Variants in SLC24A3 observed in about 807,000 individuals in gnomAD.
The protein encoded by SLC24A3 is solute carrier family 24 member 3.
In SLC24A3, 28 loss-of-function variants were observed where a neutral mutation model predicts 75.8. That is an observed-to-expected ratio of 0.37 (90% CI 0.27 to 0.51). The LOEUF (loss-of-function observed/expected upper bound fraction) is 0.51, where lower values mean the gene tolerates loss of function less well. Ranked by LOEUF, SLC24A3 falls within the 20% of genes least tolerant of loss-of-function variation. The pLI, the probability that SLC24A3 is intolerant of heterozygous loss-of-function variation, is 0.94. For synonymous variants in SLC24A3, 372 were observed against 334.1 expected (o/e 1.11, Z -1.24); for missense variants, 663 against 847.8 (o/e 0.78, Z 2.71).
chr20:19,295,418 C>T (rs1037198135), intron 2 of SLC24A3, among the ~76,000 whole-genome samples: 1 of 152,186 alleles, frequency 6.6e-6, no homozygotes, highest in Non-Finnish European at 1.5e-5. Flanking sequence ...GATGGGGCAT[C>T]CTTGCCTTGG....
chr20:19,720,878 G>T, intron 16 of SLC24A3, 113 bp from the exon 17 acceptor site: 1 of 1,216,270 alleles, frequency 8.2e-7, no homozygotes, highest in Non-Finnish European at 1.1e-6. Context: ...TCAGCACCCT[G>T]CCCGAGGCCC....
At chr20:19,446,607 T>C (rs1166874418) in intron 2 of SLC24A3, among the ~76,000 whole-genome samples, 3 of 152,210 alleles carry the variant, frequency 2.0e-5, no homozygotes, top group Non-Finnish European at 4.4e-5. Context: ...AAAGGGAAAG[T>C]GCTCTTTATG....
At chr20:19,229,968 C>T (rs1312276673) in intron 1 of SLC24A3, among the ~76,000 whole-genome samples, 1 of 151,774 alleles carries the variant, frequency 6.6e-6, no homozygotes, top group Non-Finnish European at 1.5e-5. Context: ...TAGCCTTTTC[C>T]ATTTAGTGAT....
intron 1 of SLC24A3, among the ~76,000 whole-genome samples, chr20:19,279,342 A>G (rs903100013): frequency 6.6e-6 from 1 of 152,188 alleles, no homozygotes; most frequent in African/African-American, 2.4e-5. Context: ...GCATTGCCTC[A>G]GGTCCCTTCT....
intron 2 of SLC24A3, among the ~76,000 whole-genome samples, 191 bp downstream of exon 2, chr20:19,281,278 G>T (rs3790176): frequency 6.6e-6 from 1 of 151,968 alleles, no homozygotes; most frequent in Non-Finnish European, 1.5e-5. Flanking sequence ...CTCTGTGTTC[G>T]TTTTCTACTG....
At chr20:19,352,464 T>G (rs1600443743) in intron 2 of SLC24A3, among the ~76,000 whole-genome samples, 1 of 152,194 alleles carries the variant, frequency 6.6e-6, no homozygotes, top group African/African-American at 2.4e-5. Flanking sequence ...TGTGAGTAGG[T>G]GCAGTGTGGA....
chr20:19,419,656 C>G (rs1986884031), intron 2 of SLC24A3, among the ~76,000 whole-genome samples: 1 of 152,024 alleles, frequency 6.6e-6, no homozygotes, highest in African/African-American at 2.4e-5. Flanking sequence ...GGGTGTGCAG[C>G]CTCCTGGGTA....
intron 2 of SLC24A3, among the ~76,000 whole-genome samples, chr20:19,422,399 C>A (rs1487564220): frequency 6.6e-6 from 1 of 152,100 alleles, no homozygotes; most frequent in Non-Finnish European, 1.5e-5. Flanking sequence ...GGAGAGCAAG[C>A]AGTTACGGGA....
chr20:19,298,266 G>A (rs771325189), intron 2 of SLC24A3, among the ~76,000 whole-genome samples: 7 of 152,228 alleles, frequency 4.6e-5, no homozygotes, highest in African/African-American at 1.4e-4. Context: ...GAAGGAATAC[G>A]ATCGTCATTT....
chr20:19,260,641 G>A (rs553953414), intron 1 of SLC24A3, among the ~76,000 whole-genome samples: 24 of 152,226 alleles, frequency 1.6e-4, no homozygotes, highest in Non-Finnish European at 2.9e-4. Context: ...GCATGAATTT[G>A]TGAAAAGAAC....
chr20:19,419,766 G>A (rs1986885355), intron 2 of SLC24A3, among the ~76,000 whole-genome samples: 1 of 151,896 alleles, frequency 6.6e-6, no homozygotes. Context: ...CAGAGATGGA[G>A]GCCACACGGG....
At chr20:19,274,452 G>T (rs1377177279) in intron 1 of SLC24A3, among the ~76,000 whole-genome samples, 3 of 151,922 alleles carry the variant, frequency 2.0e-5, no homozygotes. Context: ...CTCCTCTCCT[G>T]CTGGGTTAGG....
intron 2 of SLC24A3, among the ~76,000 whole-genome samples, chr20:19,506,340 A>G (rs886171579): frequency 3.9e-5 from 6 of 152,230 alleles, no homozygotes; most frequent in African/African-American, 1.4e-4. Flanking sequence ...CTTCCTTCAC[A>G]GAGATGCTTC....
At chr20:19,714,632 C>T (rs1478730505) in intron 15 of SLC24A3, among the ~76,000 whole-genome samples, 1 of 152,086 alleles carries the variant, frequency 6.6e-6, no homozygotes, top group African/African-American at 2.4e-5. Context: ...CACAAAAATA[C>T]ACCCCTGGGT....
chr20:19,555,253 A>G (rs191640530), intron 3 of SLC24A3, among the ~76,000 whole-genome samples: 1 of 152,336 alleles, frequency 6.6e-6, no homozygotes, highest in East Asian at 1.9e-4. Flanking sequence ...GGGACACCAG[A>G]TAACAGTGAA....
intron 9 of SLC24A3, among the ~76,000 whole-genome samples, chr20:19,681,139 T>G (rs2032610625): frequency 6.6e-6 from 1 of 152,210 alleles, no homozygotes; most frequent in East Asian, 1.9e-4. Context: ...TCCTCGGAAC[T>G]TGTACAAGCT....
At chr20:19,396,277 A>T (rs1986452069) in intron 2 of SLC24A3, among the ~76,000 whole-genome samples, 1 of 152,270 alleles carries the variant, frequency 6.6e-6, no homozygotes, top group East Asian at 1.9e-4. Flanking sequence ...TTACAATAAC[A>T]ATAAAGCAAG....
chr20:19,501,339 A>G (rs907852796), intron 2 of SLC24A3, among the ~76,000 whole-genome samples: 1 of 152,232 alleles, frequency 6.6e-6, no homozygotes, highest in African/African-American at 2.4e-5. Context: ...ATACTGAGGT[A>G]CTTTATGTAA....
intron 2 of SLC24A3, among the ~76,000 whole-genome samples, chr20:19,371,586 A>G (rs1393451648): frequency 6.6e-6 from 1 of 152,186 alleles, no homozygotes; most frequent in Non-Finnish European, 1.5e-5. Context: ...ACCATTGGTA[A>G]TAAACCCCAC....
Sources: gnomAD v4.1 joint callset for allele counts (sites outside exome capture counted in the v4.1 genomes callset) on GRCh38, gnomAD v4.1.1 for gene constraint, MANE v1.5 for transcripts, NCBI Gene and HGNC (gene_info 2026-07-23, HGNC 2026-07-21) for gene names.